Variants in SEMA6A observed in about 807,000 individuals in gnomAD.
SEMA6A encodes semaphorin-6A.
A neutral mutation model predicts 96.8 loss-of-function variants in SEMA6A; 25 were observed. The ratio of observed to expected loss-of-function variants is 0.26; its 90% CI spans 0.19 to 0.36. The LOEUF is 0.36. Among genes scored for constraint, SEMA6A ranks in the 10% least tolerant of loss-of-function variants. SEMA6A has a pLI of 1.00. For synonymous variants in SEMA6A, 612 were observed against 518.0 expected, an observed-to-expected ratio of 1.18 and a Z score of -2.46; for missense variants, 1,363 against 1,323.1, an observed-to-expected ratio of 1.03 and a Z score of -0.47.
chr5:116,513,147 G>C (rs1758499451), intron 1 of SEMA6A, among the ~76,000 whole-genome samples: 2 of 151,284 alleles, frequency 1.3e-5, no homozygotes, highest in South Asian at 4.2e-4. Flanking sequence ...TTTCCCCCGC[G>C]ACGGAGTTTC....
Position 116,444,478 on chromosome 5 carries a change from CAAAG to C in SEMA6A, c.*2131_*2134del, listed in dbSNP as rs556444696. On this transcript the variant is annotated 3_prime_UTR_variant, in exon 19 of 19. Coordinates refer to ENST00000343348, the MANE Select transcript of SEMA6A (RefSeq NM_020796.5). Reference sequence around the variant, plus strand: ...AGATCGAACTGGAAATAAAAGCAGACAAAGAGACCACCAAATATACTGTTTAAAA... The same window carrying C: ...AGATCGAACTGGAAATAAAAGCAGACAGACCACCAAATATACTGTTTAAAA... 32 of 152,422 alleles carry C rather than the reference CAAAG, an allele frequency of 2.1e-4. No homozygotes were observed. Among genetic ancestry groups the C allele is most frequent in the African/African-American group, 7.7e-4 (32 of 41,482 alleles). 9.4% of individuals were successfully genotyped at this position (152,422 alleles called of 1,614,324 possible). A position where few individuals can be genotyped will look rare whatever the true frequency, so the allele number is the denominator to read the frequency against.
At chr5:116,453,205 G>A (rs1754760696) in intron 18 of SEMA6A, among the ~76,000 whole-genome samples, 2 of 152,148 alleles carry the variant, frequency 1.3e-5, no homozygotes, top group Non-Finnish European at 2.9e-5. Context: ...CCATACTCAA[G>A]CTTGCTTCAT....
At chr5:116,528,302 T>G (rs10040008) in intron 1 of SEMA6A, among the ~76,000 whole-genome samples, 1 of 152,168 alleles carries the variant, frequency 6.6e-6, no homozygotes, top group Admixed American at 6.5e-5. Flanking sequence ...ACAAATATAA[T>G]GTGGATTTCT....
chr5:116,547,823 T>C (rs1760248373), intron 1 of SEMA6A, among the ~76,000 whole-genome samples: 1 of 147,802 alleles, frequency 6.8e-6, no homozygotes, highest in African/African-American at 2.5e-5. Context: ...GGAAGGAACA[T>C]GATCAGCACT....
At chr5:116,522,320 C>G (rs1482866079) in intron 1 of SEMA6A, among the ~76,000 whole-genome samples, 2 of 152,092 alleles carry the variant, frequency 1.3e-5, no homozygotes, top group African/African-American at 2.4e-5. Flanking sequence ...AAACCTAGAG[C>G]TTAGACCTAC....
At chr5:116,565,818 A>T (rs1196961662) in intron 1 of SEMA6A, among the ~76,000 whole-genome samples, 1 of 152,166 alleles carries the variant, frequency 6.6e-6, no homozygotes, top group Admixed American at 6.5e-5. Context: ...TGTGGAATGC[A>T]ATTTTTTGTA....
intron 1 of SEMA6A, among the ~76,000 whole-genome samples, chr5:116,548,252 T>C (rs1760266921): frequency 6.6e-6 from 1 of 152,192 alleles, no homozygotes; most frequent in Non-Finnish European, 1.5e-5. Context: ...TATCACACTC[T>C]CGATACTGTA....
chr5:116,551,628 G>GCAGTGACATGCAGT (rs1760413110), intron 1 of SEMA6A, among the ~76,000 whole-genome samples: 1 of 152,126 alleles, frequency 6.6e-6, no homozygotes, highest in Non-Finnish European at 1.5e-5. Flanking sequence ...TTGAACCCAG[G>GCAGTGACATGCAGT]CACTGGCTTC....
In SEMA6A at chr5:116,446,492, C is replaced by G. The variant is rs1280835231; in HGVS notation, c.*121G>C. 3.4e-6 allele frequency: 3 copies of G among 870,456 alleles called. No homozygotes were observed. The highest frequency in any genetic ancestry group is 3.4e-5 in the African/African-American group (2 of 58,744). 53.9% of individuals were successfully genotyped at this position (870,456 alleles called of 1,614,324 possible). A position where few individuals can be genotyped will look rare whatever the true frequency, so the allele number is the denominator to read the frequency against. On this transcript the variant is annotated 3_prime_UTR_variant, in exon 19 of 19. Coordinates refer to ENST00000343348, the MANE Select transcript of SEMA6A (RefSeq NM_020796.5). ...GTCCCAGAGAGGAGGACCCAGCGTC[C>G]TCGGCTCTGCCGCAGGCCTTCTTGG...
chr5:116,494,773 A>G (rs1014643), intron 6 of SEMA6A, among the ~76,000 whole-genome samples: 30,608 of 152,140 alleles, frequency 0.2, 3,384 homozygotes, highest in East Asian at 0.37. Context: ...GAAGGCTAAC[A>G]GTGGTGCAGC....
At chr5:116,532,468 A>C (rs1266871822) in intron 1 of SEMA6A, among the ~76,000 whole-genome samples, 1 of 152,162 alleles carries the variant, frequency 6.6e-6, no homozygotes, top group Non-Finnish European at 1.5e-5. Flanking sequence ...CTAGAAACCA[A>C]AGTTTTGTGT....
chr5:116,497,369 A>G lies in SEMA6A; in HGVS notation c.237T>C (p.Val79=), dbSNP rs1757651419. The G allele has an allele frequency of 1.3e-6, 2 of 1,598,412 alleles. No homozygotes were observed. Among genetic ancestry groups the G allele is most frequent in the East Asian group, 2.2e-5 (1 of 44,680 alleles). Residue 79 remains valine (V), a synonymous_variant, in exon 4 of 19, where the codon GTT becomes GTC. Transcript: ENST00000343348. Reference sequence around the variant, plus strand: ...CTTCCGTGTGTGATGTGTCTATATCAACAGTATAAATATGGTCCCTATAGG... The same window carrying G: ...CTTCCGTGTGTGATGTGTCTATATCGACAGTATAAATATGGTCCCTATAGG... ...YIAARDHIYT[V]DIDTSHTEEI...
In SEMA6A at chr5:116,548,695, A is replaced by G. The variant is rs965685493; in HGVS notation, c.-39+25490T>C. The stretch of plus-strand genomic sequence containing the variant: ...ACTGCCCACAGATTAGACCAAGTCA[A>G]CAGAAGAGATAAGAAGACAACCTTA... On this transcript the variant is annotated intron_variant, in intron 1 of 18. Coordinates refer to ENST00000343348, the MANE Select transcript of SEMA6A (RefSeq NM_020796.5). Among the ~76,000 whole-genome samples, 17 of 152,324 alleles carry G rather than the reference A, an allele frequency of 1.1e-4. No individual in the cohort carries two copies. In the East Asian group the frequency reaches 3.1e-3, roughly 28 times the overall value.
intron 1 of SEMA6A, among the ~76,000 whole-genome samples, chr5:116,529,245 G>A (rs1017313221): frequency 6.6e-6 from 1 of 152,118 alleles, no homozygotes; most frequent in African/African-American, 2.4e-5. Flanking sequence ...GAGGAAGGAT[G>A]GGAAGAAGGA....
intron 1 of SEMA6A, among the ~76,000 whole-genome samples, chr5:116,536,809 A>T (rs1301700906): frequency 1.3e-5 from 2 of 148,658 alleles, no homozygotes; most frequent in African/African-American, 5.0e-5. Context: ...CAGCTGCACA[A>T]TGCAAGCAGC....
At chr5:116,515,905 T>C (rs1580462299) in intron 1 of SEMA6A, among the ~76,000 whole-genome samples, 1 of 152,190 alleles carries the variant, frequency 6.6e-6, no homozygotes, top group South Asian at 2.1e-4. Flanking sequence ...CAAATAACAA[T>C]GTCATCAGTC....
intron 1 of SEMA6A, among the ~76,000 whole-genome samples, chr5:116,528,573 T>G (rs1056702434): frequency 4.6e-4 from 70 of 152,222 alleles, no homozygotes; most frequent in African/African-American, 1.7e-3. Context: ...GTCATCATTC[T>G]GCCACTAAAA....
chr5:116,546,112 G>C (rs1384754850), intron 1 of SEMA6A, among the ~76,000 whole-genome samples: 1 of 152,192 alleles, frequency 6.6e-6, no homozygotes, highest in Non-Finnish European at 1.5e-5. Flanking sequence ...CTAAAACCTG[G>C]TGATAACCAT....
intron 1 of SEMA6A, among the ~76,000 whole-genome samples, chr5:116,507,014 A>C (rs532683279): frequency 1.3e-5 from 2 of 152,298 alleles, no homozygotes; most frequent in South Asian, 4.1e-4. Context: ...CATGTGTCAA[A>C]TGCAAAATTC....
Sources: gnomAD v4.1 joint callset for allele counts (sites outside exome capture counted in the v4.1 genomes callset) on GRCh38, gnomAD v4.1.1 for gene constraint, MANE v1.5 for transcripts, NCBI Gene and HGNC (gene_info 2026-07-23, HGNC 2026-07-21) for gene names.